TXNDC11: variants seen among roughly 807,000 people sequenced by gnomAD.
TXNDC11 encodes thioredoxin domain containing 11.
In TXNDC11, 68 loss-of-function variants were observed where a neutral mutation model predicts 78.0. That is an observed-to-expected ratio of 0.87 (90% CI 0.72 to 1.07). The LOEUF is 1.07. Ranked by LOEUF, TXNDC11 falls within the 50% of genes least tolerant of loss-of-function variation. The pLI, the probability that TXNDC11 is intolerant of heterozygous loss-of-function variation, is 0.00. For missense variants in TXNDC11, 1,389 were observed against 1,221.8 expected, an observed-to-expected ratio of 1.14 and a Z score of -2.04; for synonymous variants, 571 against 495.2, an observed-to-expected ratio of 1.15 and a Z score of -2.03.
rs141591747 is a variant in TXNDC11, at chr16:11,679,679, C to T, written c.2393G>A (p.Gly798Glu). ...CTCTCTCTCCAAGTGGGAGATGTGCCCCCGCTGTAAGACTGCCTCGCTCTG... is the reference window on the plus strand; with the variant it reads ...CTCTCTCTCCAAGTGGGAGATGTGCTCCCGCTGTAAGACTGCCTCGCTCTG... ...CLQSEAVLQRGHISHLEREIQ... is the reference protein window; with the variant it reads ...CLQSEAVLQREHISHLEREIQ... Residue 798 changes from glycine (G) to glutamate (E), a missense_variant, in exon 12 of 12, where the codon GGG (glycine) becomes GAG (glutamate). By Grantham distance (98) the Gly-to-Glu change is moderately conservative. Coordinates refer to ENST00000283033, the MANE Select transcript of TXNDC11 (RefSeq NM_015914.7). This position sits in a 1 kb window ranked among gnomAD's most constrained non-coding sequence, Gnocchi z 4.6. 1 of 1,614,142 alleles carries T rather than the reference C, an allele frequency of 6.2e-7. No individual in the cohort carries two copies. Among genetic ancestry groups the T allele is most frequent in the Non-Finnish European group, 8.5e-7 (1 of 1,180,038 alleles).
intron 5 of TXNDC11, chr16:11,703,862 C>T (rs919992868): frequency 8.3e-6 from 5 of 599,560 alleles, no homozygotes; most frequent in East Asian, 3.1e-5. Context: ...GAGGCCAAGG[C>T]GGGTGGATCA....
At chr16:11,695,496 A>C (rs1354756127) in intron 7 of TXNDC11, among the ~76,000 whole-genome samples, 1 of 152,230 alleles carries the variant, frequency 6.6e-6, no homozygotes, top group Non-Finnish European at 1.5e-5. Context: ...GTGGTCAACA[A>C]GCTAATGAAT....
At chr16:11,688,784 T>C (rs2050634279) in intron 8 of TXNDC11, among the ~76,000 whole-genome samples, 1 of 152,082 alleles carries the variant, frequency 6.6e-6, no homozygotes, top group African/African-American at 2.4e-5. Context: ...TTTCAAGAAA[T>C]TTCACCCTAT....
At chr16:11,696,808 C>G (rs145740993) in intron 7 of TXNDC11, among the ~76,000 whole-genome samples, 2 of 152,132 alleles carry the variant, frequency 1.3e-5, no homozygotes, top group African/African-American at 4.8e-5. Context: ...AGTCTTCCCA[C>G]CAGGTGCCTA....
At chr16:11,724,604 A>G (rs1340033116) in intron 4 of TXNDC11, among the ~76,000 whole-genome samples, 2 of 152,138 alleles carry the variant, frequency 1.3e-5, no homozygotes, top group Non-Finnish European at 2.9e-5. Flanking sequence ...TCTCTATAAA[A>G]TAAAAATAAA....
At chr16:11,708,113 A>T (rs1567321578) in intron 5 of TXNDC11, among the ~76,000 whole-genome samples, 1 of 152,184 alleles carries the variant, frequency 6.6e-6, no homozygotes, top group East Asian at 1.9e-4. Context: ...AGAAAATTTT[A>T]AATTAGCTAT....
intron 5 of TXNDC11, among the ~76,000 whole-genome samples, chr16:11,706,694 C>T (rs985328181): frequency 6.6e-6 from 1 of 152,162 alleles, no homozygotes; most frequent in African/African-American, 2.4e-5. Context: ...TTGTGCCTCC[C>T]GTGCACCGCT....
intron 4 of TXNDC11, among the ~76,000 whole-genome samples, chr16:11,728,125 A>T (rs1007175369): frequency 6.6e-6 from 1 of 152,210 alleles, no homozygotes; most frequent in Admixed American, 6.5e-5. Flanking sequence ...GGGACTCCAA[A>T]AATTCCTTAA....
chr16:11,694,744 C>G (rs527910371), intron 7 of TXNDC11, among the ~76,000 whole-genome samples: 1 of 152,234 alleles, frequency 6.6e-6, no homozygotes, highest in Non-Finnish European at 1.5e-5. Flanking sequence ...TGAGCCACTG[C>G]GCCCAGCCAG....
intron 3 of TXNDC11, among the ~76,000 whole-genome samples, chr16:11,733,449 T>C (rs8061264): frequency 0.61 from 91,669 of 150,804 alleles, 28,477 homozygotes; most frequent in African/African-American, 0.72. Context: ...ATGGCGTGAA[T>C]CCGGGAGGCC....
At chr16:11,712,075 T>C (rs2051377576) in intron 5 of TXNDC11, among the ~76,000 whole-genome samples, 1 of 152,178 alleles carries the variant, frequency 6.6e-6, no homozygotes, top group Middle Eastern at 3.2e-3. Flanking sequence ...AGGAGTCTTA[T>C]CAACTTCCAA....
intron 5 of TXNDC11, among the ~76,000 whole-genome samples, chr16:11,706,730 C>T (rs1200096090): frequency 6.6e-6 from 1 of 152,116 alleles, no homozygotes; most frequent in Non-Finnish European, 1.5e-5. Context: ...ATGACAGCTA[C>T]CAAGGGTTCC....
chr16:11,692,768 G>A (rs1420486655), intron 7 of TXNDC11, among the ~76,000 whole-genome samples: 1 of 152,100 alleles, frequency 6.6e-6, no homozygotes. Flanking sequence ...TGGCACTCCT[G>A]GGCCAAATGG....
intron 5 of TXNDC11, among the ~76,000 whole-genome samples, chr16:11,720,908 A>C (rs1034417778): frequency 6.6e-6 from 1 of 150,764 alleles, no homozygotes; most frequent in Non-Finnish European, 1.5e-5. Context: ...CACGTGCCTA[A>C]TTTTTGTATT....
At chr16:11,700,791 T>C (rs1324550107) in intron 5 of TXNDC11, among the ~76,000 whole-genome samples, 2 of 152,222 alleles carry the variant, frequency 1.3e-5, no homozygotes, top group Non-Finnish European at 2.9e-5. Context: ...CTAACGTCTC[T>C]GACAATCACT....
At chr16:11,727,336 A>C (rs1408213345) in intron 4 of TXNDC11, among the ~76,000 whole-genome samples, 1 of 152,154 alleles carries the variant, frequency 6.6e-6, no homozygotes, top group Non-Finnish European at 1.5e-5. Flanking sequence ...GCAAAAAAAA[A>C]CCAATCCTTC....
chr16:11,717,702 T>C (rs1018015463), intron 5 of TXNDC11, among the ~76,000 whole-genome samples: 1 of 151,344 alleles, frequency 6.6e-6, no homozygotes, highest in Admixed American at 6.6e-5. Context: ...GCGCCTGTAA[T>C]CCCAGCTACT....
At chr16:11,732,337 G>A (rs966314803) in intron 3 of TXNDC11, among the ~76,000 whole-genome samples, 3 of 152,078 alleles carry the variant, frequency 2.0e-5, no homozygotes, top group Admixed American at 1.3e-4. Context: ...CAGTCTGAAA[G>A]GACTACACCC....
chr16:11,683,748 C>CTTT (rs36114425), intron 11 of TXNDC11, among the ~76,000 whole-genome samples: 10 of 109,326 alleles, frequency 9.1e-5, no homozygotes, highest in African/African-American at 3.2e-4. Flanking sequence ...CCTAAGGACA[C>CTTT]TTTTTTTTTT....
Sources: gnomAD v4.1 joint callset for allele counts (sites outside exome capture counted in the v4.1 genomes callset) on GRCh38, gnomAD v4.1.1 for gene constraint, Gnocchi (gnomAD v3.1) non-coding constraint, MANE v1.5 for transcripts, NCBI Gene and HGNC (gene_info 2026-07-23, HGNC 2026-07-21) for gene names.